The following GNAO1 variants were observed in gnomAD, a reference collection of about 807,000 sequenced individuals.
The protein encoded by GNAO1 is guanine nucleotide-binding protein G(o) subunit alpha.
For missense variants in GNAO1, 166 were observed against 478.7 expected, an observed-to-expected ratio of 0.35 and a Z score of 6.10; for synonymous variants, 164 against 180.7, an observed-to-expected ratio of 0.91 and a Z score of 0.74.
At chr16:56,218,278 C>T (rs1305577309) in intron 2 of GNAO1, among the ~76,000 whole-genome samples, 1 of 152,180 alleles carries the variant, frequency 6.6e-6, no homozygotes, top group Non-Finnish European at 1.5e-5. Flanking sequence ...TGGCTCACAC[C>T]TTCCTGAACA....
At chr16:56,258,968 C>A (rs537732518) in intron 2 of GNAO1, among the ~76,000 whole-genome samples, 2 of 152,226 alleles carry the variant, frequency 1.3e-5, no homozygotes, top group Non-Finnish European at 2.9e-5. Context: ...GTGCACAGCC[C>A]TTTGTTCTTT....
At chr16:56,313,920 A>G (rs184429092) in intron 3 of GNAO1, among the ~76,000 whole-genome samples, 1 of 152,080 alleles carries the variant, frequency 6.6e-6, no homozygotes, top group East Asian at 1.9e-4. Flanking sequence ...TAATTTTTAT[A>G]GAGACGGGGT....
chr16:56,236,335 C>T (rs190590256), intron 2 of GNAO1, among the ~76,000 whole-genome samples: 12 of 152,196 alleles, frequency 7.9e-5, no homozygotes, highest in Middle Eastern at 3.4e-3. Flanking sequence ...AACACAGGCA[C>T]GCACACACAT....
chr16:56,334,969 G>T, intron 5 of GNAO1, 112 bp downstream of exon 5: 1 of 1,121,244 alleles, frequency 8.9e-7, no homozygotes, highest in Non-Finnish European at 1.3e-6. Flanking sequence ...CAGGGAACCT[G>T]CGGGCTGGGG....
intron 2 of GNAO1, among the ~76,000 whole-genome samples, chr16:56,258,991 G>A (rs1462683895): frequency 6.6e-6 from 1 of 152,242 alleles, no homozygotes; most frequent in South Asian, 2.1e-4. Context: ...GGAAAGTGCT[G>A]CCAGGCACAC....
intron 2 of GNAO1, among the ~76,000 whole-genome samples, chr16:56,259,423 T>G (rs752923606): frequency 2.0e-5 from 3 of 152,230 alleles, no homozygotes; most frequent in Non-Finnish European, 2.9e-5. Context: ...CCATCCTTCC[T>G]GGTTTCCAAC....
intron 2 of GNAO1, chr16:56,194,507 G>C (rs2036213110): frequency 4.4e-5 from 14 of 316,736 alleles, no homozygotes; most frequent in South Asian, 3.5e-4. Flanking sequence ...AGCCGAGGCC[G>C]GAAAAGTCGA....
At chr16:56,289,742 C>G (rs1217871524) in intron 3 of GNAO1, among the ~76,000 whole-genome samples, 1 of 152,142 alleles carries the variant, frequency 6.6e-6, no homozygotes, top group Non-Finnish European at 1.5e-5. Context: ...AGCACTGTTA[C>G]AAACATTTTG....
chr16:56,260,372 C>T (rs547983998), intron 2 of GNAO1, among the ~76,000 whole-genome samples: 3 of 152,324 alleles, frequency 2.0e-5, no homozygotes, highest in African/African-American at 7.2e-5. Flanking sequence ...CCTTAGCCTG[C>T]TTGTCTTCAA....
intron 6 of GNAO1, chr16:56,345,017 C>T (rs2037849679): frequency 1.0e-5 from 10 of 985,472 alleles, no homozygotes; most frequent in Non-Finnish European, 1.2e-5. Context: ...GGAGCTGACA[C>T]CCTGGAGTAT....
chr16:56,242,677 G>T (rs1201018577), intron 2 of GNAO1, among the ~76,000 whole-genome samples: 10 of 152,156 alleles, frequency 6.6e-5, no homozygotes, highest in Admixed American at 5.9e-4. Flanking sequence ...ATTCAAAATG[G>T]ATCAAAGACT....
intron 2 of GNAO1, among the ~76,000 whole-genome samples, chr16:56,236,155 C>G (rs2036635287): frequency 6.6e-6 from 1 of 152,142 alleles, no homozygotes; most frequent in African/African-American, 2.4e-5. Context: ...ACTGGTTGAC[C>G]TTTGCTGACA....
At chr16:56,339,433 G>C (rs767898129) in intron 6 of GNAO1, among the ~76,000 whole-genome samples, 4 of 152,246 alleles carry the variant, frequency 2.6e-5, no homozygotes, top group Non-Finnish European at 4.4e-5. Flanking sequence ...TAGAGGTCAG[G>C]TTCTAGGATG....
At chr16:56,331,775 A>C (rs1441735257) in intron 4 of GNAO1, among the ~76,000 whole-genome samples, 2 of 150,518 alleles carry the variant, frequency 1.3e-5, no homozygotes, top group African/African-American at 2.5e-5. Flanking sequence ...CACTTGGACA[A>C]CTCTCAAATT....
Position 56,291,237 on chromosome 16 carries a change from G to T in GNAO1, c.303+15165G>T, listed in dbSNP as rs532775527. Among the ~76,000 whole-genome samples, 5 of 152,244 alleles carry T rather than the reference G, an allele frequency of 3.3e-5. No individual in the cohort carries two copies. The South Asian group carries it at 6.2e-4, about 19-fold the overall frequency. On this transcript the variant is annotated intron_variant, in intron 3 of 8. Coordinates refer to ENST00000262493, the MANE Select transcript of GNAO1 (RefSeq NM_020988.3). The stretch of plus-strand genomic sequence containing the variant: ...ACACCGTCTTACATTCCCATTTTCC[G>T]CATATGGAGGTTCCAGTGTCTCCCC...
chr16:56,194,997 G>A lies in GNAO1; in HGVS notation c.161+2381G>A, dbSNP rs148205909. Among the ~76,000 whole-genome samples, 710 of 152,140 alleles carry A rather than the reference G, an allele frequency of 4.7e-3. 1 individual carries two copies. Among genetic ancestry groups the A allele is most frequent in the Non-Finnish European group, 7.3e-3 (497 of 68,018 alleles). ...CTTGTATTTGGTTACACCGAGGAGG[G>A]GGGAAAATGAAGTGAGTGATGTTTG... On this transcript the variant is annotated intron_variant, in intron 2 of 8. Transcript: ENST00000262493.
intron 3 of GNAO1, among the ~76,000 whole-genome samples, chr16:56,322,378 C>T (rs2037583005): frequency 6.6e-6 from 1 of 152,184 alleles, no homozygotes; most frequent in South Asian, 2.1e-4. Flanking sequence ...CTAGAAAATA[C>T]CCACCACACA....
intron 2 of GNAO1, among the ~76,000 whole-genome samples, chr16:56,238,201 C>T (rs903047112): frequency 4.8e-4 from 68 of 142,300 alleles, no homozygotes; most frequent in African/African-American, 1.6e-3. Flanking sequence ...GTTTTCAAAA[C>T]GTGGGACCAA....
intron 6 of GNAO1, among the ~76,000 whole-genome samples, chr16:56,341,825 T>C (rs1033457986): frequency 3.9e-5 from 6 of 152,256 alleles, no homozygotes; most frequent in South Asian, 4.1e-4. Flanking sequence ...CCATCAGCTC[T>C]TCTGAGATGG....
Sources: allele counts gnomAD v4.1 joint callset (sites outside exome capture counted in the v4.1 genomes callset), GRCh38; gene constraint gnomAD v4.1.1; transcripts MANE v1.5; gene names NCBI Gene and HGNC (gene_info 2026-07-23, HGNC 2026-07-21).